The following FBXL13 variants were observed in gnomAD, a reference collection of about 807,000 sequenced individuals.
FBXL13 encodes F-box and leucine-rich repeat protein 13.
Under a neutral mutation model 83.6 loss-of-function variants are expected in FBXL13, and 67 were observed. That is an observed-to-expected ratio of 0.80 (90% CI 0.66 to 0.98). The LOEUF (loss-of-function observed/expected upper bound fraction) is 0.98. Ranked by LOEUF, FBXL13 falls within the 50% of genes least tolerant of loss-of-function variation. The pLI, the probability that FBXL13 is intolerant of heterozygous loss-of-function variation, is 0.00. For missense variants in FBXL13, 822 were observed against 866.5 expected (o/e 0.95, Z 0.64); for synonymous variants, 272 against 299.5 (o/e 0.91, Z 0.95).
intron 17 of FBXL13, among the ~76,000 whole-genome samples, chr7:102,850,587 T>G (rs988351653): frequency 2.0e-5 from 3 of 152,206 alleles, no homozygotes; most frequent in South Asian, 4.1e-4. Flanking sequence ...AAATGCATGT[T>G]TAACCCTTAA....
intron 8 of FBXL13, among the ~76,000 whole-genome samples, chr7:102,936,505 G>T (rs75870421): frequency 1.2e-4 from 18 of 152,224 alleles, no homozygotes; most frequent in Admixed American, 7.2e-4. Flanking sequence ...AGCCAGAGTG[G>T]GTAGAATTTC....
chr7:102,876,959 A>G (rs991618291), intron 16 of FBXL13, among the ~76,000 whole-genome samples: 6 of 152,202 alleles, frequency 3.9e-5, no homozygotes, highest in African/African-American at 1.4e-4. Flanking sequence ...GGGCAGTCCC[A>G]GAGGGATAAG....
chr7:103,027,629 T>A, intron 4 of FBXL13, 71 bp from the exon 6 acceptor site: 1 of 940,350 alleles, frequency 1.1e-6, no homozygotes, highest in Non-Finnish European at 1.6e-6. Flanking sequence ...CAAAGTGATT[T>A]AATAGTCTAT....
chr7:102,914,338 G>T (rs981863019), intron 10 of FBXL13, among the ~76,000 whole-genome samples: 9 of 152,332 alleles, frequency 5.9e-5, no homozygotes, highest in Admixed American at 1.3e-4. Flanking sequence ...CTCCCAAAGT[G>T]CTCGGAACAG....
chr7:103,054,941 T>C (rs1179389194), intron 2 of FBXL13, 147 bp downstream of exon 3: 5 of 375,196 alleles, frequency 1.3e-5, no homozygotes, highest in African/African-American at 2.2e-5. Flanking sequence ...CGTCTGTGTA[T>C]GTGTGTGGCT....
chr7:102,968,281 G>C (rs1826212406), intron 6 of FBXL13, among the ~76,000 whole-genome samples, 164 bp from the exon 8 acceptor site: 1 of 152,200 alleles, frequency 6.6e-6, no homozygotes, highest in Non-Finnish European at 1.5e-5. Context: ...TTAAGTGCTA[G>C]AATTTTATCT....
Position 102,999,388 on chromosome 7 carries a change from T to C in FBXL13, c.495+25675A>G, listed in dbSNP as rs558530166. Among the ~76,000 whole-genome samples the C allele has an allele frequency of 1.2e-3, 190 of 152,288 alleles. 1 individual carries two copies. The highest frequency in any genetic ancestry group is 4.4e-3 in the African/African-American group (181 of 41,556). ...ATATTAGCCTGTGGTTTTCATGTTG[T>C]CCCCTTGTCTGGTTTTAGTATCGGG... On this transcript the variant is annotated intron_variant, in intron 6 of 19. Coordinates refer to ENST00000313221, the Ensembl canonical transcript of FBXL13.
chr7:102,933,679 G>A (rs1043730264), intron 8 of FBXL13: 2 of 332,250 alleles, frequency 6.0e-6, no homozygotes, highest in African/African-American at 4.3e-5. Context: ...TGTGGAACTA[G>A]AAGGCCTTTG....
intron 17 of FBXL13, among the ~76,000 whole-genome samples, chr7:102,854,287 C>T (rs894539522): frequency 2.0e-5 from 3 of 151,898 alleles, no homozygotes; most frequent in Non-Finnish European, 2.9e-5. Flanking sequence ...AACCAAACAC[C>T]GCATATTCTC....
intron 17 of FBXL13, among the ~76,000 whole-genome samples, chr7:102,836,473 T>C (rs1484197034): frequency 6.6e-6 from 1 of 152,230 alleles, no homozygotes; most frequent in Non-Finnish European, 1.5e-5. Context: ...CACTTCTGGC[T>C]CCAATGCTGC....
At chr7:102,946,217 G>A (rs1822471054) in intron 8 of FBXL13, among the ~76,000 whole-genome samples, 1 of 152,176 alleles carries the variant, frequency 6.6e-6, no homozygotes, top group African/African-American at 2.4e-5. Flanking sequence ...CAGACACCAT[G>A]CTAAGAGCTT....
exon 8 of FBXL13, chr7:102,963,661 T>G: frequency 6.3e-7 from 1 of 1,594,684 alleles, no homozygotes; most frequent in Non-Finnish European, 8.5e-7. Context: ...TGAGGAAAAA[T>G]CAATCTAAAA....
intron 6 of FBXL13, chr7:102,988,176 G>C (rs538546868): frequency 3.3e-5 from 5 of 152,252 alleles, no homozygotes; most frequent in African/African-American, 1.2e-4. Flanking sequence ...CCAAGTGGGA[G>C]TACTGTCACT....
At chr7:102,812,210 G>GT (rs1190302869), downstream of FBXL13, among the ~76,000 whole-genome samples, 1 of 152,102 alleles carries the variant, frequency 6.6e-6, no homozygotes, top group Non-Finnish European at 1.5e-5. Flanking sequence ...TCAAATAATG[G>GT]TAAAAACCCA....
intron 8 of FBXL13, chr7:102,944,752 T>G: frequency 2.8e-6 from 2 of 706,744 alleles, no homozygotes; most frequent in South Asian, 4.3e-5. Flanking sequence ...AGTATTATTG[T>G]GACTATTATA....
intron 6 of FBXL13, among the ~76,000 whole-genome samples, chr7:103,017,693 C>T (rs915306900): frequency 4.6e-5 from 7 of 152,066 alleles, no homozygotes; most frequent in African/African-American, 1.4e-4. Flanking sequence ...GCTTCAGTAG[C>T]TGATTCCATC....
chr7:103,041,234 G>C (rs566844304), intron 2 of FBXL13, among the ~76,000 whole-genome samples: 1 of 152,212 alleles, frequency 6.6e-6, no homozygotes, highest in East Asian at 1.9e-4. Flanking sequence ...AGAAGAAATG[G>C]ACAAATTCCT....
At chr7:103,052,270 TA>T (rs1462152099) in intron 2 of FBXL13, among the ~76,000 whole-genome samples, 1 of 152,198 alleles carries the variant, frequency 6.6e-6, no homozygotes, top group Non-Finnish European at 1.5e-5. Context: ...ACATTTTTTT[TA>T]AGAGATGAGG....
chr7:102,998,383 G>A (rs921820715), intron 6 of FBXL13, among the ~76,000 whole-genome samples: 1 of 152,054 alleles, frequency 6.6e-6, no homozygotes, highest in African/African-American at 2.4e-5. Context: ...TAATCCATGA[G>A]CATGGGCTAT....
Sources: gnomAD v4.1 joint callset for allele counts (sites outside exome capture counted in the v4.1 genomes callset) on GRCh38, gnomAD v4.1.1 for gene constraint, MANE v1.5 for transcripts, NCBI Gene and HGNC (gene_info 2026-07-23, HGNC 2026-07-21) for gene names.